Variants in RNLS observed in about 807,000 individuals in gnomAD.
The protein encoded by RNLS is renalase.
A neutral mutation model predicts 39.8 loss-of-function variants in RNLS; 39 were observed. That is an observed-to-expected ratio of 0.98 (90% CI 0.76 to 1.28). The LOEUF (loss-of-function observed/expected upper bound fraction) is 1.28, where lower values mean the gene tolerates loss of function less well. Among genes scored for constraint, RNLS ranks in the 50% most tolerant of loss-of-function variants. The pLI, the probability that RNLS is intolerant of heterozygous loss-of-function variation, is 0.00. For synonymous variants in RNLS, 147 were observed against 150.7 expected (o/e 0.98, Z 0.18); for missense variants, 410 against 413.3 (o/e 0.99, Z 0.07).
chr10:88,490,260 TA>T (rs1419190940), intron 4 of RNLS, among the ~76,000 whole-genome samples: 16 of 152,316 alleles, frequency 1.1e-4, no homozygotes, highest in African/African-American at 3.6e-4. Flanking sequence ...TATAAGTTTA[TA>T]AAATATCAAA....
chr10:88,395,302 G>A (rs773985604), intron 4 of RNLS, among the ~76,000 whole-genome samples: 2 of 148,856 alleles, frequency 1.3e-5, no homozygotes, highest in African/African-American at 2.5e-5. Context: ...ATTTAAATAA[G>A]CCATTTTAGT....
intron 4 of RNLS, among the ~76,000 whole-genome samples, chr10:88,482,916 C>T (rs534216772): frequency 5.2e-4 from 79 of 152,004 alleles, no homozygotes; most frequent in African/African-American, 1.8e-3. Flanking sequence ...AGTTTTCCTT[C>T]CCTTCCTTCC....
intron 5 of RNLS, among the ~76,000 whole-genome samples, chr10:88,348,456 A>G (rs1190287740): frequency 2.0e-5 from 3 of 152,106 alleles, no homozygotes; most frequent in African/African-American, 7.2e-5. Context: ...GGAAAATATC[A>G]TTTTCAGAGA....
chr10:88,428,549 T>C (rs1854947223), intron 4 of RNLS, among the ~76,000 whole-genome samples: 1 of 151,958 alleles, frequency 6.6e-6, no homozygotes, highest in African/African-American at 2.4e-5. Context: ...GAGGATATTA[T>C]CCTTTCTACT....
At chr10:88,322,441 G>A (rs1846255763) in intron 5 of RNLS, among the ~76,000 whole-genome samples, 1 of 152,128 alleles carries the variant, frequency 6.6e-6, no homozygotes. Context: ...GGGGTGATTA[G>A]GTCATGGGGG....
the RNLS span, among the ~76,000 whole-genome samples, chr10:88,214,192 T>G: frequency 6.6e-6 from 1 of 152,186 alleles, no homozygotes; most frequent in African/African-American, 2.4e-5. Context: ...CTCTCCAAGA[T>G]GTTCAACAAA....
intron 4 of RNLS, among the ~76,000 whole-genome samples, chr10:88,474,205 G>T (rs991381313): frequency 2.7e-5 from 4 of 150,042 alleles, no homozygotes; most frequent in Admixed American, 2.7e-4. Context: ...GAATTGAGCA[G>T]AAAAAAAAAC....
chr10:88,190,581 C>T, the RNLS span, among the ~76,000 whole-genome samples: 15 of 152,154 alleles, frequency 9.9e-5, no homozygotes, highest in Admixed American at 2.0e-4. Flanking sequence ...CTTTAGCATG[C>T]TATAATATAT....
chr10:88,542,750 G>T (rs1450249004), intron 4 of RNLS, among the ~76,000 whole-genome samples: 16 of 152,120 alleles, frequency 1.1e-4, no homozygotes, highest in Non-Finnish European at 1.5e-5. Context: ...TAAAATTACT[G>T]CTGAAGAAGC....
chr10:88,199,012 C>T, the RNLS span, among the ~76,000 whole-genome samples: 2 of 152,154 alleles, frequency 1.3e-5, no homozygotes, highest in African/African-American at 4.8e-5. Flanking sequence ...CATTTTGGCC[C>T]CAGCAAAGAC....
chr10:88,313,537 A>T (rs1224116371), intron 6 of RNLS, among the ~76,000 whole-genome samples: 1 of 152,228 alleles, frequency 6.6e-6, no homozygotes, highest in East Asian at 1.9e-4. Context: ...AGATATGAGT[A>T]AAACATAGAC....
At chr10:88,475,101 A>G (rs1843734909) in intron 4 of RNLS, among the ~76,000 whole-genome samples, 1 of 152,150 alleles carries the variant, frequency 6.6e-6, no homozygotes, top group Non-Finnish European at 1.5e-5. Context: ...AGATGTAATG[A>G]AGAAGTCAGG....
intron 4 of RNLS, among the ~76,000 whole-genome samples, chr10:88,399,665 G>A (rs887806533): frequency 3.3e-5 from 5 of 152,012 alleles, no homozygotes; most frequent in Non-Finnish European, 5.9e-5. Flanking sequence ...TTTTTGACGT[G>A]ATGAAAATAT....
At chr10:88,564,125 C>T (rs1849353411) in intron 4 of RNLS, among the ~76,000 whole-genome samples, 1 of 151,966 alleles carries the variant, frequency 6.6e-6, no homozygotes, top group Admixed American at 6.6e-5. Flanking sequence ...TGGATGTGAT[C>T]CTTTGGTTAT....
chr10:88,536,612 G>A (rs1046451498), intron 4 of RNLS, among the ~76,000 whole-genome samples: 8 of 152,074 alleles, frequency 5.3e-5, no homozygotes, highest in East Asian at 1.9e-4. Context: ...CCTGCTCTGC[G>A]TCACACTGGC....
the RNLS span, among the ~76,000 whole-genome samples, chr10:88,263,732 A>C: frequency 6.6e-6 from 1 of 152,148 alleles, no homozygotes; most frequent in Non-Finnish European, 1.5e-5. Context: ...TTTGCTAACT[A>C]GGTTACTTTA....
intron 4 of RNLS, among the ~76,000 whole-genome samples, chr10:88,499,792 G>A (rs757074595): frequency 3.9e-5 from 6 of 152,196 alleles, no homozygotes; most frequent in East Asian, 1.9e-4. Flanking sequence ...GTCTTCATAC[G>A]CTTGTGCCCC....
At chr10:88,242,765 T>C in the RNLS span, among the ~76,000 whole-genome samples, 1 of 152,076 alleles carries the variant, frequency 6.6e-6, no homozygotes, top group Non-Finnish European at 1.5e-5. Flanking sequence ...AGCCTCAACA[T>C]GGAGAAACCC....
chr10:88,315,748 T>C (rs1235797163), intron 5 of RNLS, among the ~76,000 whole-genome samples: 1 of 151,854 alleles, frequency 6.6e-6, no homozygotes, highest in Non-Finnish European at 1.5e-5. Flanking sequence ...GTTTTTTTTT[T>C]TTTTTAATGA....
Sources: allele counts gnomAD v4.1 joint callset (sites outside exome capture counted in the v4.1 genomes callset), GRCh38; gene constraint gnomAD v4.1.1; transcripts MANE v1.5; gene names NCBI Gene and HGNC (gene_info 2026-07-23, HGNC 2026-07-21).